NFRKB: variants seen among roughly 807,000 people sequenced by gnomAD.
NFRKB encodes nuclear factor related to kappaB binding protein.
NFRKB carries 62 observed loss-of-function variants against 135.7 expected under a neutral mutation model. That is an observed-to-expected ratio of 0.46 (90% CI 0.37 to 0.56). NFRKB has a LOEUF of 0.56. Ranked by LOEUF, NFRKB falls within the 20% of genes least tolerant of loss-of-function variation. The pLI is 0.00. For synonymous variants in NFRKB, 678 were observed against 635.6 expected (o/e 1.07, Z -1.00); for missense variants, 1,545 against 1,662.0 (o/e 0.93, Z 1.22).
chr11:129,867,426 C>G (rs1395969422), intron 24 of NFRKB, among the ~76,000 whole-genome samples: 1 of 147,914 alleles, frequency 6.8e-6, no homozygotes, highest in African/African-American at 2.5e-5. Context: ...AAATGATTAT[C>G]CTGCCTCAGC....
chr11:129,875,716 G>A (rs1353515592), intron 17 of NFRKB, among the ~76,000 whole-genome samples: 1 of 150,506 alleles, frequency 6.6e-6, no homozygotes, highest in Non-Finnish European at 1.5e-5. Flanking sequence ...AGGTGCAAGG[G>A]CGTGATCTCA....
chr11:129,865,754 C>T, intron 25 of NFRKB, 123 bp downstream of exon 25: 1 of 744,906 alleles, frequency 1.3e-6, no homozygotes, highest in Non-Finnish European at 2.4e-6. Flanking sequence ...CACAATAAAG[C>T]AGAGGTGTCA....
In NFRKB at chr11:129,874,887, A is replaced by G. The variant is rs1369872188; in HGVS notation, c.1884T>C (p.Asp628=). 1 of 1,614,106 alleles carries G rather than the reference A, an allele frequency of 6.2e-7. No homozygotes were observed. Among genetic ancestry groups the G allele is most frequent in the Non-Finnish European group, 8.5e-7 (1 of 1,180,058 alleles). The change falls in exon 19 of 27, where the codon GAT becomes GAC. Residue 628 remains aspartate (D), a synonymous_variant. Coordinates refer to ENST00000682444, the MANE Select transcript of NFRKB (RefSeq NM_001143835.2). The surrounding 1 kb of genome is among the most constrained non-coding windows in gnomAD (Gnocchi z 4.5). ...AGGGATCTTTTTCGTAATGTAGCCG[A>G]TCCAGTGCACCACTCACTACTGTAT... ...QVNTVVSGAL[D]RLHYEKDPCV...
At chr11:129,893,474 C>T (rs1368988432) in intron 2 of NFRKB, 5 of 242,200 alleles carry the variant, frequency 2.1e-5, no homozygotes, top group Non-Finnish European at 4.2e-5. Flanking sequence ...GTGGGAGGAT[C>T]GCTTGAACAC....
chr11:129,873,865 C>T lies in NFRKB; in HGVS notation c.2430G>A (p.Gln810=). 7 of 1,614,116 alleles carry T rather than the reference C, an allele frequency of 4.3e-6. No homozygotes were observed. Among genetic ancestry groups the T allele is most frequent in the Non-Finnish European group, 8.5e-7 (1 of 1,180,022 alleles). Residue 810 remains glutamine (Q), a synonymous_variant, in exon 22 of 27, where the codon CAG becomes CAA. Transcript: ENST00000682444. ...GCTGGGGAACAGCAGGAAGGCTAGGCTGGGCCACCACTCGCACCTGAGACA... is the reference window on the plus strand; with the variant it reads ...GCTGGGGAACAGCAGGAAGGCTAGGTTGGGCCACCACTCGCACCTGAGACA... The part of the protein sequence containing the change: ...AGLSQVRVVA[Q]PSLPAVPQQS...
At chr11:129,869,455 C>T in intron 24 of NFRKB, 39 bp downstream of exon 24, 1 of 1,532,852 alleles carries the variant, frequency 6.5e-7, no homozygotes, top group Non-Finnish European at 8.7e-7. Context: ...ATTAAGTTTT[C>T]TAAAAAAGAA....
intron 22 of NFRKB, 81 bp from the exon 23 acceptor site, chr11:129,873,177 C>A (rs1188326592): frequency 1.6e-6 from 2 of 1,261,256 alleles, no homozygotes; most frequent in African/African-American, 3.0e-5. Context: ...TCCCTCAGCA[C>A]CCCGGAAGCA....
intron 7 of NFRKB, among the ~76,000 whole-genome samples, 200 bp downstream of exon 7, chr11:129,884,545 A>T (rs1949180349): frequency 6.6e-6 from 1 of 152,360 alleles, no homozygotes; most frequent in African/African-American, 2.4e-5. Flanking sequence ...ATTTTAAAAC[A>T]AAAGAAAAAA....
At position 129,874,977 on chromosome 11, in the gene NFRKB, A is replaced by C; in HGVS notation, c.1855-61T>G. 1 of 1,599,520 alleles carries C rather than the reference A, an allele frequency of 6.3e-7. No individual in the cohort carries two copies. Among genetic ancestry groups the C allele is most frequent in the Non-Finnish European group, 8.6e-7 (1 of 1,169,310 alleles). On this transcript the variant is annotated intron_variant, in intron 18 of 26. Coordinates refer to ENST00000682444, the MANE Select transcript of NFRKB (RefSeq NM_001143835.2). This position sits in a 1 kb window ranked among gnomAD's most constrained non-coding sequence, Gnocchi z 4.5. ...AAGCTTAGATAACAGAAGTTATTTG[A>C]ACTCTAGGAAAAAAATGTCATTGTA... is the stretch of plus-strand genomic sequence containing the variant.
At position 129,892,879 on chromosome 11, in the gene NFRKB, A is replaced by C; in HGVS notation, c.-21-9T>G. On this transcript the variant is annotated splice_polypyrimidine_tract_variant and intron_variant, in intron 2 of 26. Coordinates refer to ENST00000682444, the MANE Select transcript of NFRKB (RefSeq NM_001143835.2). ...TCTTCTCCACAGGTACTCTGGACAA[A>C]GACATGCATCTTGAGACAGAAAGGC... The C allele has an allele frequency of 6.2e-7, 1 of 1,614,164 alleles. No individual in the cohort carries two copies. The highest frequency in any genetic ancestry group is 8.5e-7 in the Non-Finnish European group (1 of 1,180,002).
intron 7 of NFRKB, 125 bp downstream of exon 7, chr11:129,884,620 C>G: frequency 3.7e-6 from 4 of 1,087,376 alleles, no homozygotes; most frequent in Non-Finnish European, 5.3e-6. Context: ...AACAAATCAC[C>G]TAGTTCTAGG....
rs772799868 is a variant in NFRKB, at chr11:129,892,887, A to T, written c.-21-17T>A. ...ACAGGTACTCTGGACAAAGACATGC[A>T]TCTTGAGACAGAAAGGCAGAAATTC... On this transcript the variant is annotated splice_polypyrimidine_tract_variant and intron_variant, in intron 2 of 26. Coordinates refer to ENST00000682444, the MANE Select transcript of NFRKB (RefSeq NM_001143835.2). 7.4e-6 allele frequency: 12 copies of T among 1,613,800 alleles called. No homozygotes were observed. The African/African-American group carries it at 1.3e-4, about 18-fold the overall frequency.
At chr11:129,885,766 A>C (rs189132959) in intron 5 of NFRKB, among the ~76,000 whole-genome samples, 157 bp from the exon 6 acceptor site, 1 of 152,364 alleles carries the variant, frequency 6.6e-6, no homozygotes, top group Non-Finnish European at 1.5e-5. Context: ...AATATATCCG[A>C]AGAATCTGTA....
intron 17 of NFRKB, among the ~76,000 whole-genome samples, chr11:129,875,734 G>C (rs1948736656): frequency 1.4e-5 from 2 of 140,584 alleles, no homozygotes; most frequent in Non-Finnish European, 3.0e-5. Context: ...TCAGCTCACT[G>C]CAACCTCCAC....
chr11:129,892,042 CT>C lies in NFRKB; in HGVS notation c.135+672del, dbSNP rs148860141. 5.6e-3 allele frequency among the ~76,000 whole-genome samples: 842 copies of C among 149,870 alleles called. 7 individuals are homozygous for C. The highest frequency in any genetic ancestry group is 0.019 in the African/African-American group (769 of 40,890). Reference sequence around the variant, plus strand: ...CATATTTGTTTTCCATAATTTCTTCCTTTTTTTTTTCTATTTTTAATTATTA... The same window carrying C: ...CATATTTGTTTTCCATAATTTCTTCCTTTTTTTTTCTATTTTTAATTATTA... On this transcript the variant is annotated intron_variant, in intron 3 of 26. Transcript: ENST00000682444.
At position 129,865,890 on chromosome 11, in the gene NFRKB, T is replaced by C. The variant is rs1948166821; in HGVS notation, c.3625A>G (p.Asn1209Asp). The change falls in exon 25 of 27, where the codon AAC (asparagine) becomes GAC (aspartate). Residue 1209 changes from asparagine to aspartate, a missense_variant. Physicochemically the swap from Asn to Asp is conservative, Grantham distance 23. Around this residue, in one of 3 missense-constraint regions of NFRKB, gnomAD observed 753 missense variants for 804.3 expected, o/e 0.94. Coordinates refer to ENST00000682444, the MANE Select transcript of NFRKB (RefSeq NM_001143835.2). ...CATAGTACTTACTTGGCTCCAAGGT[T>C]GCCTTTGATGATGGGGGCTGTGACC... ...SVVTAPIIKG[N>D]LGANLSGLGR... 6.2e-7 allele frequency: 1 copy of C among 1,613,982 alleles called. No individual in the cohort carries two copies. The highest frequency in any genetic ancestry group is 8.5e-7 in the Non-Finnish European group (1 of 1,180,012).
chr11:129,873,048 C>A lies in NFRKB; in HGVS notation c.2599G>T (p.Val867Leu). 1 of 1,613,294 alleles carries A rather than the reference C, an allele frequency of 6.2e-7. No homozygotes were observed. Among genetic ancestry groups the A allele is most frequent in the Non-Finnish European group, 8.5e-7 (1 of 1,179,736 alleles). Residue 867 changes from valine (V) to leucine (L), a missense_variant, in exon 23 of 27, where the codon GTG becomes TTG. By Grantham distance (32) the Val-to-Leu change is conservative. Coordinates refer to ENST00000682444, the MANE Select transcript of NFRKB (RefSeq NM_001143835.2). Reference sequence around the variant, plus strand: ...GTCTGCCCGGGTCCAGGCCGCTGCACAGTGGCTGCCGTAGTCTGCGCTTTG... The same window carrying A: ...GTCTGCCCGGGTCCAGGCCGCTGCAAAGTGGCTGCCGTAGTCTGCGCTTTG... ...PVKAQTTAAT[V>L]QRPGPGQTGL...
chr11:129,885,590 C>T lies in NFRKB; in HGVS notation c.485G>A (p.Arg162Gln), dbSNP rs746026672. ...GAAGGGAAGGGCGGGGCCACTCCGCCGGGCCATCTCCAGCAGATCCTAGGT... is the reference window on the plus strand; with the variant it reads ...GAAGGGAAGGGCGGGGCCACTCCGCTGGGCCATCTCCAGCAGATCCTAGGT... Reference protein sequence around the residue: ...ASRSDLLEMARRSGPALPFRQ... With the variant: ...ASRSDLLEMAQRSGPALPFRQ... Residue 162 changes from arginine to glutamine, a missense_variant, in exon 6 of 27, where the codon CGG (arginine) becomes CAG (glutamine). Coordinates refer to ENST00000682444, the MANE Select transcript of NFRKB (RefSeq NM_001143835.2). The T allele has an allele frequency of 6.2e-6, 10 of 1,611,014 alleles. No individual in the cohort carries two copies. The highest frequency in any genetic ancestry group is 5.5e-5 in the South Asian group (5 of 90,908).
At chr11:129,875,284 A>G in intron 18 of NFRKB, 73 bp downstream of exon 18, 1 of 1,244,666 alleles carries the variant, frequency 8.0e-7, no homozygotes, top group South Asian at 1.4e-5. Flanking sequence ...ATTTTGTTAT[A>G]TTTTGTATTT....
Sources: allele counts gnomAD v4.1 joint callset (sites outside exome capture counted in the v4.1 genomes callset), GRCh38; gene constraint gnomAD v4.1.1; regional missense constraint gnomAD v4.1.1; non-coding constraint Gnocchi (gnomAD v3.1); transcripts MANE v1.5; gene names NCBI Gene and HGNC (gene_info 2026-07-23, HGNC 2026-07-21).